Variants in CALCRL observed in about 807,000 individuals in gnomAD.
CALCRL encodes the protein calcitonin gene-related peptide type 1 receptor.
Under a neutral mutation model 60.4 loss-of-function variants are expected in CALCRL, and 27 were observed. The observed-to-expected ratio is 0.45, with a 90% CI of 0.33 to 0.62. The LOEUF is 0.62. Among genes scored for constraint, CALCRL ranks in the 20% least tolerant of loss-of-function variants. The pLI, the probability that CALCRL is intolerant of heterozygous loss-of-function variation, is 0.03. For missense variants in CALCRL, 424 were observed against 540.7 expected (o/e 0.78, Z 2.14); for synonymous variants, 190 against 182.6 (o/e 1.04, Z -0.33).
chr2:187,412,952 G>A (rs557937838), intron 1 of CALCRL, among the ~76,000 whole-genome samples: 40 of 152,228 alleles, frequency 2.6e-4, no homozygotes, highest in African/African-American at 8.9e-4. Flanking sequence ...CTCTCAACTA[G>A]TACTATTAGA....
chr2:187,381,041 G>T (rs1687965710), intron 5 of CALCRL, among the ~76,000 whole-genome samples: 1 of 151,904 alleles, frequency 6.6e-6, no homozygotes, highest in Non-Finnish European at 1.5e-5. Flanking sequence ...AATTGTCAAA[G>T]GTAGCTATTT....
intron 1 of CALCRL, among the ~76,000 whole-genome samples, chr2:187,398,019 C>G (rs2105816988): frequency 6.6e-6 from 1 of 151,740 alleles, no homozygotes; most frequent in East Asian, 1.9e-4. Flanking sequence ...CTGATTTTCC[C>G]ATTGTGGGCA....
intron 1 of CALCRL, among the ~76,000 whole-genome samples, chr2:187,406,416 A>G (rs1689130210): frequency 6.6e-6 from 1 of 152,100 alleles, no homozygotes; most frequent in South Asian, 2.1e-4. Context: ...CACATGTCAA[A>G]TTTAAATTTC....
intron 1 of CALCRL, among the ~76,000 whole-genome samples, chr2:187,406,695 T>C (rs565182355): frequency 1.9e-3 from 295 of 152,160 alleles, no homozygotes; most frequent in Middle Eastern, 0.014. Context: ...AAAAAAGATG[T>C]GGTTTGGTCA....
chr2:187,393,371 T>C (rs1474246259), intron 1 of CALCRL, among the ~76,000 whole-genome samples: 1 of 152,144 alleles, frequency 6.6e-6, no homozygotes, highest in Non-Finnish European at 1.5e-5. Flanking sequence ...CATTTGTATT[T>C]CACTGTTTCT....
intron 12 of CALCRL, among the ~76,000 whole-genome samples, chr2:187,357,143 C>T (rs1001117794): frequency 3.3e-5 from 5 of 152,050 alleles, no homozygotes; most frequent in Non-Finnish European, 7.4e-5. Flanking sequence ...CCCAGCAATC[C>T]CATTACTGGG....
At chr2:187,388,867 T>C (rs1688313897) in intron 1 of CALCRL, among the ~76,000 whole-genome samples, 1 of 152,112 alleles carries the variant, frequency 6.6e-6, no homozygotes, top group Admixed American at 6.6e-5. Context: ...GCAAAATTGC[T>C]TTTGCAAATC....
At chr2:187,379,791 ATATG>A (rs1265163856) in intron 7 of CALCRL, among the ~76,000 whole-genome samples, 1 of 152,178 alleles carries the variant, frequency 6.6e-6, no homozygotes, top group Non-Finnish European at 1.5e-5. Flanking sequence ...CTCATTTCAT[ATATG>A]AGGGGACTGA....
chr2:187,368,576 A>T (rs913583489), intron 8 of CALCRL, among the ~76,000 whole-genome samples: 2 of 152,054 alleles, frequency 1.3e-5, no homozygotes, highest in African/African-American at 4.8e-5. Flanking sequence ...TTCATCTTCA[A>T]ATTTCTGCCA....
Position 187,393,081 on chromosome 2 carries a change from T to A in CALCRL, c.-292-5325A>T, listed in dbSNP as rs1294385371. Reference sequence around the variant, plus strand: ...GTCATTTGAGTCATGCATTATTTTTTAAGCTATTGAGTGAGCAGGTGCCAA... The same window carrying A: ...GTCATTTGAGTCATGCATTATTTTTAAAGCTATTGAGTGAGCAGGTGCCAA... On this transcript the variant is annotated intron_variant, in intron 1 of 14. Transcript: ENST00000392370. 2.0e-5 allele frequency among the ~76,000 whole-genome samples: 3 copies of A among 152,176 alleles called. No homozygotes were observed. The East Asian group carries it at 5.8e-4, about 29-fold the overall frequency.
intron 8 of CALCRL, among the ~76,000 whole-genome samples, chr2:187,369,306 T>A (rs571377794): frequency 6.6e-6 from 1 of 152,240 alleles, no homozygotes; most frequent in East Asian, 1.9e-4. Flanking sequence ...ATACCTGTGA[T>A]TCTTGGGCTC....
At chr2:187,381,109 G>A (rs1423402606) in intron 5 of CALCRL, among the ~76,000 whole-genome samples, 4 of 152,008 alleles carry the variant, frequency 2.6e-5, no homozygotes, top group African/African-American at 4.8e-5. Context: ...AGTGATTAGC[G>A]TCCCTATGCT....
rs1297609219 is a variant in CALCRL at position 187,415,606 on chromosome 2, G to C, written c.-292-27850C>G. ...CCGTCTGGAAAAACCTGCCAATTATGATGACGTCAAGAAGGTGGTGAACCA... is the reference window on the plus strand; with the variant it reads ...CCGTCTGGAAAAACCTGCCAATTATCATGACGTCAAGAAGGTGGTGAACCA... On this transcript the variant is annotated intron_variant, in intron 1 of 14. Transcript: ENST00000392370. 5 of 585,472 alleles carry C rather than the reference G, an allele frequency of 8.5e-6. 1 individual carries two copies. The highest frequency in any genetic ancestry group is 7.2e-5 in the South Asian group (4 of 55,756). The allele number at this position is 585,472 out of a possible 1,614,324, so 36.3% of individuals were successfully genotyped here. A position where few individuals can be genotyped will look rare whatever the true frequency, so the allele number is the denominator to read the frequency against.
chr2:187,418,844 T>A (rs1689734741), intron 1 of CALCRL, among the ~76,000 whole-genome samples: 1 of 144,690 alleles, frequency 6.9e-6, no homozygotes. Context: ...AACTTGTGTT[T>A]TTTTTTCTTT....
rs373011472 is a variant in CALCRL, at chr2:187,360,581, T to G, written c.781+17A>C. On this transcript the variant is annotated intron_variant, in intron 10 of 14. Coordinates refer to ENST00000392370, the MANE Select transcript of CALCRL (RefSeq NM_005795.6). ...CTTTAATCCACTGAATCAACAAGTA[T>G]GTATAATAACACTTACCCCAGCCAA... 6.3e-7 allele frequency: 1 copy of G among 1,594,626 alleles called. No homozygotes were observed. The highest frequency in any genetic ancestry group is 1.4e-5 in the African/African-American group (1 of 74,070).
intron 1 of CALCRL, among the ~76,000 whole-genome samples, chr2:187,395,151 AC>A (rs1688604984): frequency 6.6e-6 from 1 of 152,082 alleles, no homozygotes; most frequent in African/African-American, 2.4e-5. Flanking sequence ...GGCCAAAGTC[AC>A]AAAGATGCTT....
chr2:187,418,518 G>A (rs1574302076), intron 1 of CALCRL, among the ~76,000 whole-genome samples: 1 of 151,788 alleles, frequency 6.6e-6, no homozygotes, highest in Admixed American at 6.6e-5. Context: ...AAAACTAATC[G>A]TGTCTTAAAT....
Position 187,360,616 on chromosome 2 carries a change from A to G in CALCRL, c.763T>C (p.Tyr255His), listed in dbSNP as rs1687014472. 6.2e-7 allele frequency: 1 copy of G among 1,610,932 alleles called. No homozygotes were observed. Among genetic ancestry groups the G allele is most frequent in the South Asian group, 1.1e-5 (1 of 90,418 alleles). ...VFAEKQHLMW[Y>H]YFLGWGFPLI... is the part of the protein sequence containing the mutation. Reference sequence around the variant, plus strand: ...CACTTACCCCAGCCAAGAAAATAATACCACATTAAATGTTGCTTCTCTGCA... The same window carrying G: ...CACTTACCCCAGCCAAGAAAATAATGCCACATTAAATGTTGCTTCTCTGCA... The change falls in exon 10 of 15, where the codon TAT (tyrosine) becomes CAT (histidine). Residue 255 changes from tyrosine (Y) to histidine (H), a missense_variant. Physicochemically the swap from Tyr to His is moderately conservative, Grantham distance 83 (BLOSUM62 2). Transcript: ENST00000392370.
chr2:187,394,915 A>G (rs1178006215), intron 1 of CALCRL, among the ~76,000 whole-genome samples: 3 of 152,058 alleles, frequency 2.0e-5, no homozygotes, highest in Admixed American at 1.3e-4. Context: ...AATGCTAATC[A>G]ATGCCTGGCT....
Sources: allele counts gnomAD v4.1 joint callset (sites outside exome capture counted in the v4.1 genomes callset), GRCh38; gene constraint gnomAD v4.1.1; transcripts MANE v1.5; gene names NCBI Gene and HGNC (gene_info 2026-07-23, HGNC 2026-07-21).